DTHD1: variants seen among roughly 807,000 people sequenced by gnomAD.
DTHD1 encodes death domain containing 1.
DTHD1 carries 59 observed loss-of-function variants against 74.8 expected under a neutral mutation model. The observed-to-expected ratio is 0.79, with a 90% CI of 0.64 to 0.98. The LOEUF is 0.98. Ranked by LOEUF, DTHD1 falls within the 50% of genes least tolerant of loss-of-function variation. DTHD1 has a pLI of 0.00. For missense variants in DTHD1, 1,051 were observed against 1,065.4 expected, an observed-to-expected ratio of 0.99 and a Z score of 0.19; for synonymous variants, 365 against 371.1, an observed-to-expected ratio of 0.98 and a Z score of 0.19.
At chr4:36,302,074 G>T (rs1276381996) in intron 5 of DTHD1, among the ~76,000 whole-genome samples, 1 of 152,182 alleles carries the variant, frequency 6.6e-6, no homozygotes, top group Non-Finnish European at 1.5e-5. Context: ...GCGTCATCGG[G>T]AGCTCAAGCT....
chr4:36,284,527 A>G lies in DTHD1; in HGVS notation c.823A>G (p.Ile275Val). 2 of 1,535,660 alleles carry G rather than the reference A, an allele frequency of 1.3e-6. No homozygotes were observed. Residue 275 changes from isoleucine (I) to valine (V), a missense_variant, in exon 2 of 10, where the codon ATA (isoleucine) becomes GTA (valine). By Grantham distance (29) the Ile-to-Val change is conservative. Coordinates refer to ENST00000639862, the MANE Select transcript of DTHD1 (RefSeq NM_001170700.3). ...SIICDISKKY[I>V]NSTLPNDSEN... ...AATATGTGATATCTCCAAGAAATAT[A>G]TAAATAGTACTCTTCCCAATGATTC... is the stretch of plus-strand genomic sequence containing the variant.
chr4:36,338,923 T>C (rs1248378713), intron 8 of DTHD1, among the ~76,000 whole-genome samples, 189 bp from the exon 9 acceptor site: 1 of 152,226 alleles, frequency 6.6e-6, no homozygotes, highest in Non-Finnish European at 1.5e-5. Flanking sequence ...ATATTTGGGT[T>C]AGTATACTTG....
In DTHD1 at chr4:36,293,668, C is replaced by A; in HGVS notation, c.1361C>A (p.Pro454Gln). Reference protein sequence around the residue: ...MDSRISLNYPPGVFTSPVLVQ... With the variant: ...MDSRISLNYPQGVFTSPVLVQ... The stretch of plus-strand genomic sequence containing the variant: ...TCCCGAATATCCTTAAATTACCCTC[C>A]AGGAGTTTTTACCTCTCCAGTGCTG... The change falls in exon 4 of 10, where the codon CCA becomes CAA. Residue 454 changes from proline (P) to glutamine (Q), a missense_variant. Pro to Gln is a moderately conservative substitution (Grantham distance 76, BLOSUM62 -1). Transcript: ENST00000639862. 6.5e-7 allele frequency: 1 copy of A among 1,542,104 alleles called. No homozygotes were observed. Among genetic ancestry groups the A allele is most frequent in the Non-Finnish European group, 8.8e-7 (1 of 1,140,692 alleles).
intron 8 of DTHD1, among the ~76,000 whole-genome samples, chr4:36,326,997 C>T (rs9999705): frequency 0.038 from 5,717 of 150,914 alleles, 369 homozygotes; most frequent in African/African-American, 0.13. Flanking sequence ...GACGGAGTCT[C>T]GCTCTGTCAC....
intron 4 of DTHD1, 142 bp from the exon 5 acceptor site, chr4:36,294,653 G>A (rs554345243): frequency 7.5e-6 from 5 of 662,880 alleles, no homozygotes; most frequent in African/African-American, 3.7e-5. Flanking sequence ...TTTATAAAAT[G>A]CATTGTTGAT....
At chr4:36,308,820 C>T (rs1451363110) in intron 7 of DTHD1, among the ~76,000 whole-genome samples, 1 of 152,058 alleles carries the variant, frequency 6.6e-6, no homozygotes, top group Non-Finnish European at 1.5e-5. Context: ...CCATTATTGG[C>T]CATATGAAAT....
At chr4:36,335,146 G>C (rs1758934968) in intron 8 of DTHD1, among the ~76,000 whole-genome samples, 1 of 152,194 alleles carries the variant, frequency 6.6e-6, no homozygotes, top group South Asian at 2.1e-4. Flanking sequence ...AATTTGACCA[G>C]TTCCTTGAAA....
At chr4:36,343,457 C>A (rs923836284) in intron 9 of DTHD1, 45 bp from the exon 10 acceptor site, 1 of 1,512,860 alleles carries the variant, frequency 6.6e-7, no homozygotes, top group Non-Finnish European at 8.9e-7. Context: ...CATGCATCCC[C>A]CAGGAGAGGG....
chr4:36,297,480 TA>T (rs1397821213), intron 5 of DTHD1, among the ~76,000 whole-genome samples: 10 of 152,226 alleles, frequency 6.6e-5, no homozygotes, highest in Non-Finnish European at 1.2e-4. Context: ...CAGATATAAA[TA>T]TCAGTTCTTC....
In DTHD1 at chr4:36,290,443, C is replaced by T. The variant is rs1279403722; in HGVS notation, c.958C>T (p.Leu320=). ...TTATATTACAGCACCATCATATGTT[C>T]TACAACAACTAGAATGCCGGATAAT... The part of the protein sequence containing the change: ...SCYITAPSYV[L]QQLECRIINH... The change falls in exon 3 of 10, where the codon CTA becomes TTA. Residue 320 remains leucine (L), a synonymous_variant. Coordinates refer to ENST00000639862, the MANE Select transcript of DTHD1 (RefSeq NM_001170700.3). 1.3e-6 allele frequency: 2 copies of T among 1,551,854 alleles called. No homozygotes were observed. The highest frequency in any genetic ancestry group is 1.7e-6 in the Non-Finnish European group (2 of 1,146,996).
At position 36,344,122 on chromosome 4, in the gene DTHD1, G is replaced by A. The variant is rs1316464007; in HGVS notation, c.*298G>A. On this transcript the variant is annotated 3_prime_UTR_variant, in exon 10 of 10. Transcript: ENST00000639862. ...GACTTGTTCACATTTTAAAAGCTAA[G>A]TGTGAAGAAAAGATCTGATATATGT... 5 of 300,476 alleles carry A rather than the reference G, an allele frequency of 1.7e-5. No individual in the cohort carries two copies. The highest frequency in any genetic ancestry group is 2.5e-5 in the Non-Finnish European group (4 of 160,532). The allele number at this position is 300,476 out of a possible 1,614,324, so 18.6% of individuals were successfully genotyped here. A position where few individuals can be genotyped will look rare whatever the true frequency, so the allele number is the denominator to read the frequency against.
intron 9 of DTHD1, among the ~76,000 whole-genome samples, chr4:36,341,121 G>C (rs1422971686): frequency 6.6e-6 from 1 of 152,198 alleles, no homozygotes. Flanking sequence ...AGAGGTTTAA[G>C]TAGTGAGTTG....
At chr4:36,295,098 T>G in intron 5 of DTHD1, 59 bp downstream of exon 5, 1 of 1,406,934 alleles carries the variant, frequency 7.1e-7, no homozygotes, top group African/African-American at 1.4e-5. Context: ...GCTTAGATGA[T>G]TAAAACTTGC....
chr4:36,327,020 G>A (rs959420103), intron 8 of DTHD1, among the ~76,000 whole-genome samples: 1 of 151,078 alleles, frequency 6.6e-6, no homozygotes, highest in East Asian at 1.9e-4. Flanking sequence ...AGACCGGAGT[G>A]CAGTGGCATG....
At chr4:36,291,911 T>A (rs1359646094) in intron 3 of DTHD1, among the ~76,000 whole-genome samples, 1 of 152,242 alleles carries the variant, frequency 6.6e-6, no homozygotes, top group Non-Finnish European at 1.5e-5. Flanking sequence ...GAACTTCTTT[T>A]TAAGCAATTA....
intron 8 of DTHD1, among the ~76,000 whole-genome samples, chr4:36,331,988 A>C (rs945211700): frequency 6.6e-6 from 1 of 152,158 alleles, no homozygotes; most frequent in African/African-American, 2.4e-5. Flanking sequence ...ACAATTAAAA[A>C]TACGGCATTC....
intron 7 of DTHD1, chr4:36,315,682 A>T (rs1435490230): frequency 6.6e-6 from 1 of 152,234 alleles, no homozygotes; most frequent in Non-Finnish European, 1.5e-5. Flanking sequence ...GAATATTTCA[A>T]GTAGTTTCTG....
At chr4:36,325,892 T>C (rs13147048) in intron 8 of DTHD1, among the ~76,000 whole-genome samples, 31,353 of 152,174 alleles carry the variant, frequency 0.21, 4,137 homozygotes, top group Non-Finnish European at 0.29. Context: ...TTATCTGCTT[T>C]AGGCTGCCTT....
intron 5 of DTHD1, among the ~76,000 whole-genome samples, chr4:36,299,180 C>G (rs1756614999): frequency 6.6e-6 from 1 of 151,914 alleles, no homozygotes; most frequent in African/African-American, 2.4e-5. Flanking sequence ...TATATTTGTC[C>G]TGATACATTT....
Sources: allele counts gnomAD v4.1 joint callset (sites outside exome capture counted in the v4.1 genomes callset), GRCh38; gene constraint gnomAD v4.1.1; transcripts MANE v1.5; gene names NCBI Gene and HGNC (gene_info 2026-07-23, HGNC 2026-07-21).